The following LITAF variants were observed in gnomAD, a reference collection of about 807,000 sequenced individuals.
The protein encoded by LITAF is lipopolysaccharide-induced tumor necrosis factor-alpha factor.
In LITAF, 9 loss-of-function variants were observed where a neutral mutation model predicts 14.5. The observed-to-expected ratio is 0.62, with a 90% CI of 0.37 to 1.08. The LOEUF (loss-of-function observed/expected upper bound fraction) is 1.08. LITAF is among the 50% of genes least tolerant of loss of function. The pLI is 0.01. For synonymous variants in LITAF, 98 were observed against 88.2 expected, an observed-to-expected ratio of 1.11 and a Z score of -0.62; for missense variants, 206 against 213.4, an observed-to-expected ratio of 0.97 and a Z score of 0.22.
At chr16:11,579,770 C>T (rs1375757757) in intron 1 of LITAF, among the ~76,000 whole-genome samples, 1 of 152,080 alleles carries the variant, frequency 6.6e-6, no homozygotes, top group Non-Finnish European at 1.5e-5. Flanking sequence ...AAAAATTATG[C>T]CAAAATTAAA....
chr16:11,576,750 AG>A (rs776692405), intron 1 of LITAF, among the ~76,000 whole-genome samples: 1 of 152,150 alleles, frequency 6.6e-6, no homozygotes, highest in East Asian at 1.9e-4. Flanking sequence ...CTCTGTGTAA[AG>A]TAAGAGTTCA....
intron 3 of LITAF, among the ~76,000 whole-genome samples, chr16:11,625,715 T>C (rs1306186854): frequency 6.6e-6 from 1 of 152,112 alleles, no homozygotes; most frequent in Non-Finnish European, 1.5e-5. Flanking sequence ...AGATCAACCT[T>C]CCCTTTTAAT....
At chr16:11,614,489 G>A (rs1037532182) in intron 3 of LITAF, among the ~76,000 whole-genome samples, 1 of 151,834 alleles carries the variant, frequency 6.6e-6, no homozygotes, top group Admixed American at 6.6e-5. Flanking sequence ...TAGTAGAGAT[G>A]GGGTTTCACC....
intron 3 of LITAF, among the ~76,000 whole-genome samples, chr16:11,606,902 G>A (rs1445313635): frequency 6.6e-6 from 1 of 152,220 alleles, no homozygotes; most frequent in Non-Finnish European, 1.5e-5. Context: ...GCTGGTCAGA[G>A]TGCTGGGATT....
chr16:11,630,878 T>C (rs1481076240), intron 3 of LITAF, among the ~76,000 whole-genome samples: 5 of 152,148 alleles, frequency 3.3e-5, no homozygotes. Context: ...ATCACAGGCA[T>C]GGGCCACGGT....
At position 11,619,662 on chromosome 16, in the gene LITAF, G is replaced by A. The variant is rs78657966; in HGVS notation, c.85+13871C>T. On this transcript the variant is annotated intron_variant, in intron 3 of 3. Transcript: ENST00000574848. Reference sequence around the variant, plus strand: ...GCTCACTGCAGTGTTGACTTCCTGGGCTCAAACCACCATCCTGCCTCAGCT... The same window carrying A: ...GCTCACTGCAGTGTTGACTTCCTGGACTCAAACCACCATCCTGCCTCAGCT... Among the ~76,000 whole-genome samples the A allele has an allele frequency of 9.2e-5, 14 of 151,626 alleles. No individual in the cohort carries two copies. In the East Asian group the frequency reaches 1.9e-3, roughly 21 times the overall value.
rs1311240234 is a variant in LITAF, at chr16:11,605,397, G to A, written c.85+28136C>T. On this transcript the variant is annotated intron_variant, in intron 3 of 3. Coordinates refer to the LITAF transcript ENST00000574848. The surrounding 1 kb of genome is among the most constrained non-coding windows in gnomAD (Gnocchi z 4.7). ...GATCCTGTGCACCTCCCGGAGGACTGGGAAGAGGGAAAGGAGCACAGCTAG... is the reference window on the plus strand; with the variant it reads ...GATCCTGTGCACCTCCCGGAGGACTAGGAAGAGGGAAAGGAGCACAGCTAG... 6.6e-6 allele frequency among the ~76,000 whole-genome samples: 1 copy of A among 152,152 alleles called. No individual in the cohort carries two copies. Among genetic ancestry groups the A allele is most frequent in the African/African-American group, 2.4e-5 (1 of 41,454 alleles).
upstream of LITAF, chr16:11,587,430 G>A: frequency 2.2e-6 from 1 of 453,956 alleles, no homozygotes; most frequent in South Asian, 1.6e-5. Context: ...GACAGACCAA[G>A]ACACTCTCTG....
intron 2 of LITAF, 73 bp downstream of exon 2, chr16:11,556,438 C>G: frequency 7.4e-7 from 1 of 1,360,448 alleles, no homozygotes; most frequent in South Asian, 1.3e-5. Context: ...GGCAGAGTCA[C>G]TTCGGTCACT....
intron 1 of LITAF, among the ~76,000 whole-genome samples, chr16:11,567,314 G>A (rs1247231014): frequency 6.6e-6 from 1 of 151,996 alleles, no homozygotes; most frequent in African/African-American, 2.4e-5. Flanking sequence ...TAGCTACTCG[G>A]GAGGCTGAGG....
chr16:11,627,806 T>C (rs962759043), intron 3 of LITAF, among the ~76,000 whole-genome samples: 2 of 152,138 alleles, frequency 1.3e-5, no homozygotes, highest in African/African-American at 4.8e-5. Context: ...ATTGTGCCAC[T>C]GTGCTCCAGC....
chr16:11,568,289 A>G (rs2064487317), intron 1 of LITAF, among the ~76,000 whole-genome samples: 1 of 127,150 alleles, frequency 7.9e-6, no homozygotes, highest in South Asian at 2.2e-4. Flanking sequence ...CCCTGTCTCG[A>G]AAAAAAAAAA....
At position 11,549,519 on chromosome 16, in the gene LITAF, A is replaced by G. The variant is rs1473860352; in HGVS notation, c.*118T>C. On this transcript the variant is annotated 3_prime_UTR_variant, in exon 4 of 4. Coordinates refer to ENST00000622633, the MANE Select transcript of LITAF (RefSeq NM_001136472.2). This position sits in a 1 kb window ranked among gnomAD's most constrained non-coding sequence, Gnocchi z 4.6. ...GTATTCCCCCCAAAAGAAGACATGA[A>G]GGTGGGCCCCCTGGAGAGGTGAGAC... 1 of 755,292 alleles carries G rather than the reference A, an allele frequency of 1.3e-6. No homozygotes were observed. Among genetic ancestry groups the G allele is most frequent in the South Asian group, 1.5e-5 (1 of 67,726 alleles). 46.8% of individuals were successfully genotyped at this position (755,292 alleles called of 1,614,324 possible).
intron 3 of LITAF, among the ~76,000 whole-genome samples, chr16:11,624,910 T>G (rs2065074440): frequency 6.6e-6 from 1 of 152,178 alleles, no homozygotes; most frequent in African/African-American, 2.4e-5. Flanking sequence ...CTGACCCTCC[T>G]GGCGTGCTGC....
At chr16:11,628,454 T>C (rs2065098058) in intron 3 of LITAF, among the ~76,000 whole-genome samples, 1 of 152,172 alleles carries the variant, frequency 6.6e-6, no homozygotes, top group African/African-American at 2.4e-5. Context: ...TTACCGAAAG[T>C]ATCCAATGAA....
chr16:11,639,084 G>A (rs2065154236), upstream of LITAF, among the ~76,000 whole-genome samples: 1 of 151,936 alleles, frequency 6.6e-6, no homozygotes, highest in Admixed American at 6.6e-5. Context: ...ATGGATGGAT[G>A]AGTAAACAAA....
chr16:11,636,475 T>C (rs2065138804), upstream of LITAF: 1 of 152,284 alleles, frequency 6.6e-6, no homozygotes, highest in Non-Finnish European at 1.5e-5. Flanking sequence ...AGGTGTGCTA[T>C]TTGCATAGCA....
chr16:11,637,031 C>T (rs538116677), upstream of LITAF, among the ~76,000 whole-genome samples: 1 of 152,106 alleles, frequency 6.6e-6, no homozygotes, highest in East Asian at 1.9e-4. Flanking sequence ...CACCAGCGTG[C>T]TCATCTGTAA....
At chr16:11,567,119 G>A (rs774303612) in intron 1 of LITAF, among the ~76,000 whole-genome samples, 1 of 152,096 alleles carries the variant, frequency 6.6e-6, no homozygotes, top group Non-Finnish European at 1.5e-5. Context: ...ATCAAGTCGG[G>A]ATAAAACATG....
Sources: allele counts gnomAD v4.1 joint callset (sites outside exome capture counted in the v4.1 genomes callset), GRCh38; gene constraint gnomAD v4.1.1; non-coding constraint Gnocchi (gnomAD v3.1); transcripts MANE v1.5; gene names NCBI Gene and HGNC (gene_info 2026-07-23, HGNC 2026-07-21).